NOX4: variants seen among roughly 807,000 people sequenced by gnomAD.
NOX4 encodes the protein kidney oxidase-1.
Under a neutral mutation model 87.6 loss-of-function variants are expected in NOX4, and 69 were observed. That is an observed-to-expected ratio of 0.79 (90% CI 0.65 to 0.96). The LOEUF (loss-of-function observed/expected upper bound fraction) is 0.96, where lower values mean the gene tolerates loss of function less well. Among genes scored for constraint, NOX4 ranks in the 40% least tolerant of loss-of-function variants. The pLI is 0.00. For missense variants in NOX4, 680 were observed against 681.5 expected (o/e 1.00, Z 0.02); for synonymous variants, 275 against 238.2 (o/e 1.15, Z -1.42).
At chr11:89,457,668 C>G (rs1945266652) in intron 2 of NOX4, among the ~76,000 whole-genome samples, 1 of 152,124 alleles carries the variant, frequency 6.6e-6, no homozygotes, top group Non-Finnish European at 1.5e-5. Context: ...AAACCACAAC[C>G]AAACTTCCAA....
intron 7 of NOX4, among the ~76,000 whole-genome samples, chr11:89,428,955 T>C (rs1171025959): frequency 3.3e-5 from 5 of 152,162 alleles, no homozygotes; most frequent in Non-Finnish European, 5.9e-5. Flanking sequence ...ATTGACCACA[T>C]AGTTGGAAGC....
In NOX4 at chr11:89,373,436, C is replaced by T; in HGVS notation, c.1131G>A (p.Trp377Ter). ...AAAACTGTATGTTCTACATACCTGTCCAGTCTCCTACTATTTTAAGATGAA... is the reference window on the plus strand; with the variant it reads ...AAAACTGTATGTTCTACATACCTGTTCAGTCTCCTACTATTTTAAGATGAA... ...FGVHLKIVGD[W>*]TERFRDLLLP... The change falls in exon 12 of 18, where the codon TGG (tryptophan) becomes TGA (stop). Residue 377 changes from tryptophan to a stop codon, truncating the protein, a stop_gained. Transcript: ENST00000263317. LOFTEE classifies it high-confidence loss of function. The T allele has an allele frequency of 6.3e-7, 1 of 1,577,354 alleles. No individual in the cohort carries two copies. The highest frequency in any genetic ancestry group is 8.7e-7 in the Non-Finnish European group (1 of 1,147,958).
the NOX4 span, among the ~76,000 whole-genome samples, chr11:89,555,966 C>A: frequency 6.6e-6 from 1 of 152,032 alleles, no homozygotes; most frequent in Non-Finnish European, 1.5e-5. Context: ...AGTAAACTAG[C>A]ATTGTTTGCT....
chr11:89,524,865 C>T, the NOX4 span, among the ~76,000 whole-genome samples: 1 of 151,898 alleles, frequency 6.6e-6, no homozygotes, highest in Non-Finnish European at 1.5e-5. Context: ...ATTAATTGTT[C>T]CCACCCTGGT....
chr11:89,581,118 T>C, the NOX4 span, among the ~76,000 whole-genome samples: 21 of 152,276 alleles, frequency 1.4e-4, no homozygotes, highest in African/African-American at 4.8e-4. Flanking sequence ...AATCTGAGTA[T>C]GAAGTGGAGG....
chr11:89,421,630 T>C (rs1943088635), intron 8 of NOX4, among the ~76,000 whole-genome samples: 1 of 152,202 alleles, frequency 6.6e-6, no homozygotes, highest in Non-Finnish European at 1.5e-5. Context: ...GATATTAGGA[T>C]ATATCCATAG....
chr11:89,537,683 T>C, the NOX4 span, among the ~76,000 whole-genome samples: 1 of 152,090 alleles, frequency 6.6e-6, no homozygotes, highest in Non-Finnish European at 1.5e-5. Flanking sequence ...ACCTGTACTA[T>C]CGAATTGAAA....
At chr11:89,553,735 A>G in the NOX4 span, among the ~76,000 whole-genome samples, 4 of 152,174 alleles carry the variant, frequency 2.6e-5, no homozygotes, top group Non-Finnish European at 2.9e-5. Flanking sequence ...ACAGCCCATT[A>G]CACACATATT....
intron 5 of NOX4, 81 bp downstream of exon 5, chr11:89,444,054 A>G: frequency 1.6e-6 from 2 of 1,236,254 alleles, no homozygotes; most frequent in Admixed American, 3.5e-5. Context: ...GTAAGGTACA[A>G]ATTTTCAGGG....
chr11:89,504,302 C>A, the NOX4 span, among the ~76,000 whole-genome samples: 2 of 151,856 alleles, frequency 1.3e-5, no homozygotes, highest in Non-Finnish European at 2.9e-5. Context: ...AGACAGACAG[C>A]GTCACTTCAC....
chr11:89,337,360 C>T (rs1216579410), intron 16 of NOX4, 87 bp downstream of exon 16: 5 of 1,584,542 alleles, frequency 3.2e-6, no homozygotes, highest in South Asian at 1.1e-5. Flanking sequence ...GTTCGAACCA[C>T]CTGCAGGAAT....
chr11:89,576,837 A>T, the NOX4 span: 1 of 152,132 alleles, frequency 6.6e-6, no homozygotes, highest in African/African-American at 2.4e-5. Context: ...GCTATATATG[A>T]TTAAAAAGTA....
At chr11:89,528,939 C>T in the NOX4 span, among the ~76,000 whole-genome samples, 1 of 152,134 alleles carries the variant, frequency 6.6e-6, no homozygotes, top group Non-Finnish European at 1.5e-5. Context: ...TATTAAGCAA[C>T]AATTCTCACA....
intron 11 of NOX4, among the ~76,000 whole-genome samples, chr11:89,398,887 G>A (rs1941656695): frequency 6.6e-6 from 1 of 151,776 alleles, no homozygotes; most frequent in Non-Finnish European, 1.5e-5. Context: ...CAGTAATATG[G>A]AAAGATGTCC....
At chr11:89,395,355 C>CT (rs893342905) in intron 11 of NOX4, among the ~76,000 whole-genome samples, 1 of 151,866 alleles carries the variant, frequency 6.6e-6, no homozygotes, top group Admixed American at 6.6e-5. Context: ...GGGTTGTTTG[C>CT]TTTTTTCTTG....
chr11:89,469,361 C>T lies in NOX4; in HGVS notation c.154-17466G>A, dbSNP rs189801796. On this transcript the variant is annotated intron_variant, in intron 2 of 17. Coordinates refer to ENST00000263317, the MANE Select transcript of NOX4 (RefSeq NM_016931.5). ...ATTAGGAAAACAAAATTAAAAATAA[C>T]GAAAACTTAAAGTGATAAAATATTT... Among the ~76,000 whole-genome samples, 365 of 152,056 alleles carry T rather than the reference C, an allele frequency of 2.4e-3. 1 individual carries two copies. The highest frequency in any genetic ancestry group is 8.2e-3 in the African/African-American group (341 of 41,492).
chr11:89,393,446 A>T (rs1941263187), intron 11 of NOX4, among the ~76,000 whole-genome samples: 2 of 152,156 alleles, frequency 1.3e-5, no homozygotes, highest in East Asian at 3.9e-4. Flanking sequence ...AGGAAAAAAA[A>T]AATCAAATCT....
chr11:89,353,650 T>G (rs1330749104), intron 13 of NOX4, among the ~76,000 whole-genome samples: 2 of 152,064 alleles, frequency 1.3e-5, no homozygotes, highest in Non-Finnish European at 2.9e-5. Flanking sequence ...AAACCCACAA[T>G]ATCTCTGAGG....
chr11:89,357,330 CTG>C (rs909530266), intron 12 of NOX4, among the ~76,000 whole-genome samples: 3 of 151,922 alleles, frequency 2.0e-5, no homozygotes, highest in African/African-American at 7.3e-5. Context: ...AAAAAATACT[CTG>C]TGTTTTTCTC....
Sources: allele counts gnomAD v4.1 joint callset (sites outside exome capture counted in the v4.1 genomes callset), GRCh38; gene constraint gnomAD v4.1.1; transcripts MANE v1.5; gene names NCBI Gene and HGNC (gene_info 2026-07-23, HGNC 2026-07-21).